Variants in RNF6 observed in about 807,000 individuals in gnomAD.
RNF6 encodes E3 ubiquitin-protein ligase RNF6.
A neutral mutation model predicts 50.1 loss-of-function variants in RNF6; 21 were observed. That is an observed-to-expected ratio of 0.42 (90% CI 0.30 to 0.60). RNF6 has a LOEUF of 0.60. RNF6 is among the 20% of genes least tolerant of loss of function. The probability of loss-of-function intolerance (pLI) is 0.20; values close to 1 mark genes in which losing one functional copy is unlikely to be tolerated. For missense variants in RNF6, 698 were observed against 838.2 expected (o/e 0.83, Z 2.07); for synonymous variants, 255 against 291.8 (o/e 0.87, Z 1.29).
chr13:26,192,862 A>G (rs544822555), intron 5 of RNF6, among the ~76,000 whole-genome samples: 5 of 152,256 alleles, frequency 3.3e-5, no homozygotes, highest in Admixed American at 6.5e-5. Flanking sequence ...CCTGAAACAG[A>G]GAACCTAGCT....
At chr13:26,158,391 C>A (rs1413512330) in intron 5 of RNF6, among the ~76,000 whole-genome samples, 2 of 152,060 alleles carry the variant, frequency 1.3e-5, no homozygotes, top group Non-Finnish European at 2.9e-5. Flanking sequence ...CCTGGAAGAT[C>A]GTTGTCAGCA....
chr13:26,177,590 C>T (rs929672506), intron 5 of RNF6, among the ~76,000 whole-genome samples: 12 of 152,174 alleles, frequency 7.9e-5, no homozygotes, highest in African/African-American at 2.9e-4. Flanking sequence ...GCCCAAAACC[C>T]AACTCACCCA....
intron 3 of RNF6, among the ~76,000 whole-genome samples, chr13:26,218,915 A>G (rs550369024): frequency 8.5e-5 from 13 of 152,328 alleles, no homozygotes; most frequent in Admixed American, 4.6e-4. Flanking sequence ...TCAGTTAAAA[A>G]GAAATTAAGG....
At chr13:26,160,976 A>G (rs1171632239) in intron 5 of RNF6, among the ~76,000 whole-genome samples, 1 of 152,118 alleles carries the variant, frequency 6.6e-6, no homozygotes, top group Non-Finnish European at 1.5e-5. Flanking sequence ...TACCCCTTGG[A>G]AGACCCTATC....
intron 5 of RNF6, among the ~76,000 whole-genome samples, chr13:26,188,656 G>A (rs964962358): frequency 6.2e-5 from 2 of 32,464 alleles, no homozygotes; most frequent in African/African-American, 2.5e-4. Context: ...TTTTTTTTGA[G>A]ATGAAGTCTC....
intron 5 of RNF6, among the ~76,000 whole-genome samples, chr13:26,188,822 G>T (rs1873682593): frequency 6.6e-6 from 1 of 151,282 alleles, no homozygotes; most frequent in Non-Finnish European, 1.5e-5. Context: ...TAGAGATGAG[G>T]TTTCAACATG....
chr13:26,174,649 C>A lies in RNF6; in HGVS notation n.768+40825G>T, dbSNP rs1339870582. On this transcript the variant is annotated intron_variant and non_coding_transcript_variant, in intron 5 of 5. Coordinates refer to the RNF6 transcript ENST00000468480. ...AAAATATTGAAACAAAGTTACTCAC[C>A]CCCTTAGGCTGGGGAGACCACTTTT... Among the ~76,000 whole-genome samples, 3 of 152,058 alleles carry A rather than the reference C, an allele frequency of 2.0e-5. No individual in the cohort carries two copies. The South Asian group carries it at 6.2e-4, about 32-fold the overall frequency.
chr13:26,152,969 A>G (rs1871700580), intron 5 of RNF6, among the ~76,000 whole-genome samples: 2 of 152,050 alleles, frequency 1.3e-5, no homozygotes, highest in South Asian at 4.1e-4. Flanking sequence ...CCTGACCAAC[A>G]TGGCAAAACC....
chr13:26,187,812 C>T (rs1010757651), intron 5 of RNF6, among the ~76,000 whole-genome samples: 1 of 152,188 alleles, frequency 6.6e-6, no homozygotes, highest in African/African-American at 2.4e-5. Flanking sequence ...CAGCCTTGAA[C>T]TGTTGGGCTT....
At chr13:26,210,998 G>A (rs1365564715), downstream of RNF6, among the ~76,000 whole-genome samples, 2 of 152,198 alleles carry the variant, frequency 1.3e-5, no homozygotes, top group Admixed American at 1.3e-4. Context: ...AAGCTCTACG[G>A]ACCTGACATG....
downstream of RNF6, among the ~76,000 whole-genome samples, chr13:26,209,894 G>A (rs1869251888): frequency 6.6e-6 from 1 of 151,872 alleles, no homozygotes; most frequent in Non-Finnish European, 1.5e-5. Flanking sequence ...CAGAAGAAAT[G>A]TGAAGTTATT....
intron 5 of RNF6, among the ~76,000 whole-genome samples, chr13:26,188,663 T>C (rs914697172): frequency 8.6e-6 from 1 of 116,702 alleles, no homozygotes; most frequent in Non-Finnish European, 1.7e-5. Flanking sequence ...TGAGATGAAG[T>C]CTCACTCTGT....
intron 5 of RNF6, among the ~76,000 whole-genome samples, chr13:26,133,788 G>C (rs1035530497): frequency 5.3e-5 from 8 of 152,104 alleles, no homozygotes; most frequent in African/African-American, 1.9e-4. Flanking sequence ...TCATATGATG[G>C]ATGCTTTAAA....
At chr13:26,164,875 A>C (rs986177198) in intron 5 of RNF6, among the ~76,000 whole-genome samples, 12 of 152,196 alleles carry the variant, frequency 7.9e-5, no homozygotes, top group African/African-American at 2.9e-4. Context: ...AAGTTCAAAA[A>C]ATTTGCAGCC....
chr13:26,194,011 A>T (rs1359941999), intron 5 of RNF6, among the ~76,000 whole-genome samples: 1 of 152,210 alleles, frequency 6.6e-6, no homozygotes, highest in Non-Finnish European at 1.5e-5. Flanking sequence ...AAATAATAAG[A>T]TATAAAATAG....
At chr13:26,197,979 A>C (rs1868738191) in intron 5 of RNF6, among the ~76,000 whole-genome samples, 1 of 151,908 alleles carries the variant, frequency 6.6e-6, no homozygotes, top group Non-Finnish European at 1.5e-5. Context: ...GGAAATCATA[A>C]GATAATTAGA....
At chr13:26,151,148 T>A (rs995949754) in intron 5 of RNF6, among the ~76,000 whole-genome samples, 1 of 152,210 alleles carries the variant, frequency 6.6e-6, no homozygotes, top group African/African-American at 2.4e-5. Flanking sequence ...AACACCTCAG[T>A]CATACGTTGC....
intron 5 of RNF6, among the ~76,000 whole-genome samples, chr13:26,185,954 C>A (rs1214114940): frequency 6.6e-6 from 1 of 152,136 alleles, no homozygotes; most frequent in Non-Finnish European, 1.5e-5. Context: ...TCTGAAAATA[C>A]AGTAAGAGGC....
intron 5 of RNF6, among the ~76,000 whole-genome samples, chr13:26,190,458 A>G (rs1032367649): frequency 1.8e-4 from 27 of 152,164 alleles, no homozygotes; most frequent in African/African-American, 6.5e-4. Flanking sequence ...AATCCCTCCT[A>G]TGTGACTTCT....
Sources: allele counts gnomAD v4.1 joint callset (sites outside exome capture counted in the v4.1 genomes callset), GRCh38; gene constraint gnomAD v4.1.1; transcripts MANE v1.5; gene names NCBI Gene and HGNC (gene_info 2026-07-23, HGNC 2026-07-21).